The following S1PR3 variants were observed in gnomAD, a reference collection of about 807,000 sequenced individuals.
The protein encoded by S1PR3 is sphingosine-1-phosphate receptor 3.
S1PR3 carries 12 observed loss-of-function variants against 13.3 expected under a neutral mutation model. The observed-to-expected ratio is 0.90, with a 90% CI of 0.58 to 1.46. The LOEUF is 1.46. S1PR3 is among the 40% of genes most tolerant of loss of function. The pLI, the probability that S1PR3 is intolerant of heterozygous loss-of-function variation, is 0.00. For synonymous variants in S1PR3, 232 were observed against 214.0 expected, an observed-to-expected ratio of 1.08 and a Z score of -0.73; for missense variants, 450 against 501.9, an observed-to-expected ratio of 0.90 and a Z score of 0.99.
chr9:89,001,455 C>A lies in S1PR3; in HGVS notation c.255C>A (p.Asp85Glu), dbSNP rs138828961. Residue 85 changes from aspartate to glutamate, a missense_variant, in exon 2 of 2, where the codon GAC (aspartate) becomes GAA (glutamate). Coordinates refer to ENST00000358157, the MANE Select transcript of S1PR3 (RefSeq NM_005226.4). ...YFFIGNLALC[D>E]LLAGIAYKVN... is the part of the protein sequence containing the mutation. Reference sequence around the variant, plus strand: ...TCATTGGCAACCTGGCTCTCTGCGACCTGCTGGCCGGCATCGCTTACAAGG... The same window carrying A: ...TCATTGGCAACCTGGCTCTCTGCGAACTGCTGGCCGGCATCGCTTACAAGG... The A allele has an allele frequency of 1.9e-6, 3 of 1,614,110 alleles. No homozygotes were observed. Among genetic ancestry groups the A allele is most frequent in the South Asian group, 1.1e-5 (1 of 91,090 alleles).
At position 89,002,228 on chromosome 9, in the gene S1PR3, A is replaced by G; in HGVS notation, c.1028A>G (p.Asn343Ser). The G allele has an allele frequency of 6.2e-7, 1 of 1,614,086 alleles. No homozygotes were observed. The highest frequency in any genetic ancestry group is 8.5e-7 in the Non-Finnish European group (1 of 1,180,024). ...DPSRSKSSSS[N>S]NSSHSPKVKE... ...AGCAGAAGTAAATCAAGCAGCAGCA[A>G]CAATAGCAGCCACTCTCCGAAGGTC... The change falls in exon 2 of 2, where the codon AAC (asparagine) becomes AGC (serine). Residue 343 changes from asparagine to serine, a missense_variant. By Grantham distance (46) the Asn-to-Ser change is conservative (BLOSUM62 1). Coordinates refer to ENST00000358157, the MANE Select transcript of S1PR3 (RefSeq NM_005226.4).
At chr9:88,995,175 C>T (rs1208989931) in intron 1 of S1PR3, 2 of 166,864 alleles carry the variant, frequency 1.2e-5, no homozygotes, top group Non-Finnish European at 2.9e-5. Flanking sequence ...AGTTAATTTC[C>T]CTGGGAGTAC....
At chr9:88,991,456 A>C, upstream of S1PR3, 2 of 1,545,504 alleles carry the variant, frequency 1.3e-6, no homozygotes, top group Non-Finnish European at 1.7e-6. The surrounding 1 kb of genome is among the most constrained non-coding windows in gnomAD (Gnocchi z 4.0). Flanking sequence ...TTAGTCTCTG[A>C]CTCGCTCGGG....
intron 1 of S1PR3, chr9:88,995,689 AT>A (rs1322178329): frequency 1.2e-5 from 2 of 167,126 alleles, no homozygotes; most frequent in Non-Finnish European, 2.9e-5. Context: ...GTAAGTTCAG[AT>A]GTAAGCAGTG....
rs767639503 is a variant in S1PR3 at position 89,002,310 on chromosome 9, A to G, written c.1110A>G (p.Ala370=). 6 of 1,614,020 alleles carry G rather than the reference A, an allele frequency of 3.7e-6. No individual in the cohort carries two copies. Among genetic ancestry groups the G allele is most frequent in the Non-Finnish European group, 5.1e-6 (6 of 1,179,954 alleles). Residue 370 remains alanine, a synonymous_variant, in exon 2 of 2, where the codon GCA becomes GCG. Coordinates refer to ENST00000358157, the MANE Select transcript of S1PR3 (RefSeq NM_005226.4). ...PSSCIMDKNA[A]LQNGIFCN is the part of the protein sequence containing the mutation. ...CCTGCATCATGGACAAGAACGCAGC[A>G]CTTCAGAATGGGATCTTCTGCAACT...
Position 89,001,056 on chromosome 9 carries a change from G to A in S1PR3, c.-145G>A, listed in dbSNP as rs1479180601. 1.2e-5 allele frequency: 10 copies of A among 865,526 alleles called. No homozygotes were observed. In the Admixed American group the frequency reaches 2.5e-4, roughly 21 times the overall value. 53.6% of individuals were successfully genotyped at this position (865,526 alleles called of 1,614,324 possible). The stretch of plus-strand genomic sequence containing the variant: ...TCCCTCTTTTTATCTGTTGGCAGGA[G>A]CCCTTTTTCAACGCCCTCGCTGGAG... On this transcript the variant is annotated splice_region_variant and 5_prime_UTR_variant, in exon 2 of 2. Transcript: ENST00000358157.
Position 88,991,718 on chromosome 9 carries a change from G to A in S1PR3, c.-148+23G>A. ...GAGGTGAGAGGCGGGCCCGGGCGGGGCGCGGAACCAGGGTGGGGGGCTGGG... is the reference window on the plus strand; with the variant it reads ...GAGGTGAGAGGCGGGCCCGGGCGGGACGCGGAACCAGGGTGGGGGGCTGGG... On this transcript the variant is annotated intron_variant, in intron 1 of 1. Coordinates refer to ENST00000358157, the MANE Select transcript of S1PR3 (RefSeq NM_005226.4). This position sits in a 1 kb window ranked among gnomAD's most constrained non-coding sequence, Gnocchi z 4.0. 6.5e-7 allele frequency: 1 copy of A among 1,532,528 alleles called. No homozygotes were observed. The allele number at this position is 1,532,528 out of a possible 1,614,324, so 94.9% of individuals were successfully genotyped here.
chr9:89,002,487 A>G lies in S1PR3; in HGVS notation c.*150A>G, dbSNP rs1825883879. The G allele has an allele frequency of 2.2e-6, 2 of 922,388 alleles. No homozygotes were observed. The highest frequency in any genetic ancestry group is 5.3e-5 in the East Asian group (2 of 37,746). 57.1% of individuals were successfully genotyped at this position (922,388 alleles called of 1,614,324 possible). On this transcript the variant is annotated 3_prime_UTR_variant, in exon 2 of 2. Transcript: ENST00000358157. ...TGGATGTCTCTTACAGAGGGGGCCC[A>G]AGGAATCACCACCCCGCTTCAGTGT...
Position 89,001,090 on chromosome 9 carries a change from GC to G in S1PR3, c.-110del. On this transcript the variant is annotated 5_prime_UTR_variant, in exon 2 of 2. The change creates a premature stop within an existing upstream ORF in the 5' untranslated region. Transcript: ENST00000358157. ...CAACGCCCTCGCTGGAGTCTGGCCT[GC>G]ACGCCTTGCTGAATGAAGCCGGAAC... 6.3e-6 allele frequency: 8 copies of G among 1,273,922 alleles called. No homozygotes were observed. The South Asian group carries it at 1.1e-4, about 18-fold the overall frequency. 78.9% of individuals were successfully genotyped at this position (1,273,922 alleles called of 1,614,324 possible).
rs1434125963 is a variant in S1PR3, at chr9:88,991,843, C to T, written c.-148+148C>T. ...GCCGGAGCGCTCCACATCAGCACCC[C>T]TCCCCCAGAGCCGCTGCAGGAACAG... On this transcript the variant is annotated intron_variant, in intron 1 of 1. Transcript: ENST00000358157. The surrounding 1 kb of genome is among the most constrained non-coding windows in gnomAD (Gnocchi z 4.0). The T allele has an allele frequency of 1.9e-6, 3 of 1,613,596 alleles. No homozygotes were observed. Among genetic ancestry groups the T allele is most frequent in the Non-Finnish European group, 2.5e-6 (3 of 1,179,708 alleles).
At position 89,004,019 on chromosome 9, in the gene S1PR3, T is replaced by C. The variant is rs1359858875; in HGVS notation, c.*1682T>C. 6.0e-6 allele frequency: 1 copy of C among 167,044 alleles called. No homozygotes were observed. The highest frequency in any genetic ancestry group is 1.5e-5 in the Non-Finnish European group (1 of 68,114). 10.3% of individuals were successfully genotyped at this position (167,044 alleles called of 1,614,324 possible). A position where few individuals can be genotyped will look rare whatever the true frequency, so the allele number is the denominator to read the frequency against. On this transcript the variant is annotated 3_prime_UTR_variant, in exon 2 of 2. Transcript: ENST00000358157. ...ATTTCTGTTGCCTTCTTGACATCAA[T>C]GAAAAGTAGCATATTCTCTTATGAA...
rs757939366 is a variant in S1PR3 at position 88,991,782 on chromosome 9, T to C, written c.-148+87T>C. ...ACCTTTCCAACAAAATCCCCACCGA[T>C]CCCGGGCGCGACGGGGACTTGGGCG... On this transcript the variant is annotated intron_variant, in intron 1 of 1. Transcript: ENST00000358157. This position sits in a 1 kb window ranked among gnomAD's most constrained non-coding sequence, Gnocchi z 4.0. 2.5e-6 allele frequency: 4 copies of C among 1,588,872 alleles called. No individual in the cohort carries two copies. The Admixed American group carries it at 5.5e-5, about 22-fold the overall frequency.
In S1PR3 at chr9:89,001,149, C is replaced by A; in HGVS notation, c.-52C>A. On this transcript the variant is annotated 5_prime_UTR_variant, in exon 2 of 2. The change creates a new upstream start codon in the 5' untranslated region. Coordinates refer to ENST00000358157, the MANE Select transcript of S1PR3 (RefSeq NM_005226.4). ...CCGCTTCCCTTTGAAATGAATGTTC[C>A]TGGGGCGCCCTCTCGTGGATTTTGG... 1 of 1,585,970 alleles carries A rather than the reference C, an allele frequency of 6.3e-7. No homozygotes were observed.
At position 89,002,963 on chromosome 9, in the gene S1PR3, AG is replaced by A. The variant is rs1180143340; in HGVS notation, c.*628del. On this transcript the variant is annotated 3_prime_UTR_variant, in exon 2 of 2. Coordinates refer to ENST00000358157, the MANE Select transcript of S1PR3 (RefSeq NM_005226.4). Reference sequence around the variant, plus strand: ...TTTTAAAAGTTCAAATTCCCCAAAAAGGCTTGTCCAAGGCTGGCCCCAGATG... The same window carrying A: ...TTTTAAAAGTTCAAATTCCCCAAAAAGCTTGTCCAAGGCTGGCCCCAGATG... 5.9e-6 allele frequency: 1 copy of A among 169,118 alleles called. No homozygotes were observed. The highest frequency in any genetic ancestry group is 1.9e-4 in the East Asian group (1 of 5,232). 10.5% of individuals were successfully genotyped at this position (169,118 alleles called of 1,614,324 possible).
In S1PR3 at chr9:89,001,500, C is replaced by A. The variant is rs114214031; in HGVS notation, c.300C>A (p.Gly100=). Residue 100 remains glycine, a synonymous_variant, in exon 2 of 2, where the codon GGC becomes GGA. Coordinates refer to ENST00000358157, the MANE Select transcript of S1PR3 (RefSeq NM_005226.4). ...IAYKVNILMS[G]KKTFSLSPTV... Reference sequence around the variant, plus strand: ...ACAAGGTCAACATTCTGATGTCTGGCAAGAAGACGTTCAGCCTGTCTCCCA... The same window carrying A: ...ACAAGGTCAACATTCTGATGTCTGGAAAGAAGACGTTCAGCCTGTCTCCCA... The A allele has an allele frequency of 8.8e-4, 1,416 of 1,614,220 alleles. 9 individuals are homozygous for A. The African/African-American group carries it at 0.016, about 18-fold the overall frequency.
At chr9:88,992,979 C>A (rs1825743782) in intron 1 of S1PR3, 1 of 152,620 alleles carries the variant, frequency 6.6e-6, no homozygotes. Context: ...TCACCTAACA[C>A]CAGAGATACA....
intron 1 of S1PR3, chr9:88,998,106 G>A: frequency 6.6e-6 from 1 of 152,408 alleles, no homozygotes; most frequent in Non-Finnish European, 1.5e-5. Context: ...CTGATCAGGG[G>A]TGGAAACCCA....
chr9:89,002,596 TCCTAGACA>T lies in S1PR3; in HGVS notation c.*262_*269del, dbSNP rs1825885041. The T allele has an allele frequency of 9.1e-6, 5 of 548,552 alleles. No individual in the cohort carries two copies. In the East Asian group the frequency reaches 1.6e-4, roughly 17 times the overall value. The allele number at this position is 548,552 out of a possible 1,614,324, so 34.0% of individuals were successfully genotyped here. A position where few individuals can be genotyped will look rare whatever the true frequency, so the allele number is the denominator to read the frequency against. On this transcript the variant is annotated 3_prime_UTR_variant, in exon 2 of 2. Coordinates refer to ENST00000358157, the MANE Select transcript of S1PR3 (RefSeq NM_005226.4). ...ACATCATCCACTGCCTTCTGCTGCA[TCCTAGACA>T]CCCTCCCTGTTGTTCACAGAGAGGG...
upstream of S1PR3, chr9:88,991,220 C>A (rs376789769): frequency 1.3e-6 from 2 of 1,569,384 alleles, no homozygotes; most frequent in Non-Finnish European, 1.7e-6. The surrounding 1 kb of genome is among the most constrained non-coding windows in gnomAD (Gnocchi z 4.0). Flanking sequence ...GGCCGAAGGG[C>A]GAGCCGGACC....
Sources: gnomAD v4.1 joint callset for allele counts on GRCh38, gnomAD v4.1.1 for gene constraint, Gnocchi (gnomAD v3.1) non-coding constraint, MANE v1.5 for transcripts, NCBI Gene and HGNC (gene_info 2026-07-23, HGNC 2026-07-21) for gene names.